MYO5B: variants seen among roughly 807,000 people sequenced by gnomAD.
MYO5B encodes myosin VB, also known as unconventional myosin-Vb.
MYO5B carries 143 observed loss-of-function variants against 229.3 expected under a neutral mutation model. That is an observed-to-expected ratio of 0.62 (90% CI 0.54 to 0.72). MYO5B has a LOEUF of 0.72. Ranked by LOEUF, MYO5B falls within the 30% of genes least tolerant of loss-of-function variation. The pLI is 0.00. For synonymous variants in MYO5B, 918 were observed against 885.2 expected (o/e 1.04, Z -0.66); for missense variants, 2,321 against 2,331.0 (o/e 1.00, Z 0.09).
chr18:50,177,732 C>A (rs2033016720), intron 1 of MYO5B, among the ~76,000 whole-genome samples: 1 of 152,220 alleles, frequency 6.6e-6, no homozygotes, highest in Non-Finnish European at 1.5e-5. Flanking sequence ...AACTGTGGTT[C>A]TAGACAGAGC....
chr18:50,190,070 C>A (rs1228141175), intron 1 of MYO5B, among the ~76,000 whole-genome samples: 1 of 152,118 alleles, frequency 6.6e-6, no homozygotes, highest in African/African-American at 2.4e-5. Flanking sequence ...TTTCAAGGCA[C>A]CAGTTTCAAT....
chr18:50,190,163 T>C (rs1258156468), intron 1 of MYO5B, among the ~76,000 whole-genome samples: 1 of 152,228 alleles, frequency 6.6e-6, no homozygotes, highest in Non-Finnish European at 1.5e-5. Flanking sequence ...AGTATTTAAA[T>C]TTTTTGTTCC....
intron 1 of MYO5B, among the ~76,000 whole-genome samples, chr18:50,143,645 G>A: frequency 6.6e-6 from 1 of 152,302 alleles, no homozygotes; most frequent in Admixed American, 6.5e-5. Context: ...GATTTAGAAA[G>A]CCCCCAAATG....
chr18:50,091,738 C>T (rs1245070728), intron 1 of MYO5B, among the ~76,000 whole-genome samples: 4 of 152,190 alleles, frequency 2.6e-5, no homozygotes, highest in Admixed American at 2.0e-4. Flanking sequence ...CTCAGCACCC[C>T]TGACTTCTGT....
At chr18:49,885,020 A>C (rs999944616) in intron 22 of MYO5B, among the ~76,000 whole-genome samples, 6 of 152,196 alleles carry the variant, frequency 3.9e-5, no homozygotes, top group Non-Finnish European at 7.3e-5. Context: ...GAACCCTCAT[A>C]TGCTGCTGGT....
chr18:49,868,993 C>G lies in MYO5B; in HGVS notation c.3603+3174G>C, dbSNP rs117472670. Among the ~76,000 whole-genome samples the G allele has an allele frequency of 3.6e-4, 55 of 152,302 alleles. 1 individual carries two copies. In the East Asian group the frequency reaches 7.7e-3, roughly 21 times the overall value. On this transcript the variant is annotated intron_variant, in intron 27 of 39. Coordinates refer to ENST00000285039, the MANE Select transcript of MYO5B (RefSeq NM_001080467.3). ...AAATCACTACTTGTCAAGGTGTCTT[C>G]CTAGAGTAGCCTCATCTTGTGCATG... is the stretch of plus-strand genomic sequence containing the variant.
chr18:49,931,682 G>C (rs2025194062), intron 16 of MYO5B, among the ~76,000 whole-genome samples: 2 of 152,146 alleles, frequency 1.3e-5, no homozygotes, highest in Non-Finnish European at 2.9e-5. Context: ...TCATTACCAG[G>C]GGCGGCAATG....
intron 38 of MYO5B, among the ~76,000 whole-genome samples, chr18:49,835,968 T>G (rs1296922268): frequency 6.6e-6 from 1 of 152,180 alleles, no homozygotes; most frequent in Non-Finnish European, 1.5e-5. Context: ...TGAAATGTAT[T>G]TAAAGAGAAG....
At position 49,887,056 on chromosome 18, in the gene MYO5B, G is replaced by A. The variant is rs538909000; in HGVS notation, c.3046-6601C>T. ...TCATGGGGGTGGATCCCTCATGAAT[G>A]CTGTAGCACCATCCCCTTGGTGAAC... On this transcript the variant is annotated intron_variant, in intron 22 of 39. Transcript: ENST00000285039. 8.5e-5 allele frequency among the ~76,000 whole-genome samples: 13 copies of A among 152,264 alleles called. No individual in the cohort carries two copies. In the South Asian group the frequency reaches 2.7e-3, roughly 32 times the overall value.
chr18:49,925,285 G>GA (rs1415740891), intron 17 of MYO5B, among the ~76,000 whole-genome samples: 1 of 152,198 alleles, frequency 6.6e-6, no homozygotes, highest in African/African-American at 2.4e-5. Context: ...TTGCCAATCA[G>GA]AAAATCTTTG....
intron 5 of MYO5B, among the ~76,000 whole-genome samples, chr18:49,995,286 G>A (rs1310308942): frequency 4.3e-5 from 6 of 138,294 alleles, no homozygotes; most frequent in African/African-American, 1.4e-4. Flanking sequence ...ATGGAGTCTC[G>A]CTCAGTCTCC....
intron 17 of MYO5B, among the ~76,000 whole-genome samples, chr18:49,923,358 C>T (rs542269508): frequency 1.3e-4 from 20 of 152,220 alleles, no homozygotes; most frequent in Non-Finnish European, 2.5e-4. Context: ...GGGCTAGATG[C>T]TCGGTGCAGG....
At chr18:50,165,568 G>A (rs774667259) in intron 1 of MYO5B, among the ~76,000 whole-genome samples, 1 of 152,196 alleles carries the variant, frequency 6.6e-6, no homozygotes, top group East Asian at 1.9e-4. Context: ...TTAAGGTCAC[G>A]AGTTCAAGAC....
At chr18:50,073,957 C>T (rs1419476366) in intron 1 of MYO5B, among the ~76,000 whole-genome samples, 1 of 152,202 alleles carries the variant, frequency 6.6e-6, no homozygotes, top group Admixed American at 6.5e-5. Context: ...ACCCCCTCCT[C>T]TCCTAGACTG....
At chr18:50,135,969 G>A (rs1173895197) in intron 1 of MYO5B, among the ~76,000 whole-genome samples, 4 of 152,190 alleles carry the variant, frequency 2.6e-5, no homozygotes, top group Admixed American at 2.0e-4. Context: ...GAGAGTGTTC[G>A]TTATCATCCT....
intron 2 of MYO5B, among the ~76,000 whole-genome samples, chr18:50,049,213 T>A (rs942756576): frequency 3.3e-5 from 5 of 152,178 alleles, no homozygotes; most frequent in Admixed American, 2.0e-4. Flanking sequence ...GATGGAAAAC[T>A]TCACAAAGGT....
intron 22 of MYO5B, among the ~76,000 whole-genome samples, chr18:49,883,953 A>G (rs1028514731): frequency 3.9e-5 from 6 of 152,244 alleles, no homozygotes; most frequent in Non-Finnish European, 7.3e-5. Context: ...ATATACAAAA[A>G]TTAACTCAAA....
At chr18:50,023,880 A>C (rs2026303435) in intron 4 of MYO5B, among the ~76,000 whole-genome samples, 1 of 152,006 alleles carries the variant, frequency 6.6e-6, no homozygotes, top group Admixed American at 6.6e-5. Flanking sequence ...GAAAGATGAA[A>C]CCCTGTCCTA....
chr18:50,194,616 C>G, intron 1 of MYO5B, 151 bp downstream of exon 1: 1 of 519,516 alleles, frequency 1.9e-6, no homozygotes, highest in Non-Finnish European at 3.4e-6. Context: ...AAGTTAGGGA[C>G]TCCGAGGACA....
Sources: gnomAD v4.1 joint callset for allele counts (sites outside exome capture counted in the v4.1 genomes callset) on GRCh38, gnomAD v4.1.1 for gene constraint, MANE v1.5 for transcripts, NCBI Gene and HGNC (gene_info 2026-07-23, HGNC 2026-07-21) for gene names.